Variants in PDE4D observed in about 807,000 individuals in gnomAD.
The protein encoded by PDE4D is 3',5'-cyclic-AMP phosphodiesterase 4D.
PDE4D carries 24 observed loss-of-function variants against 87.4 expected under a neutral mutation model. The observed-to-expected ratio is 0.27, with a 90% CI of 0.20 to 0.39. The LOEUF (loss-of-function observed/expected upper bound fraction) is 0.39. Among genes scored for constraint, PDE4D ranks in the 10% least tolerant of loss-of-function variants. The pLI is 1.00. For missense variants in PDE4D, 714 were observed against 1,041.0 expected (o/e 0.69, Z 4.32); for synonymous variants, 384 against 383.2 (o/e 1.00, Z -0.02).
At chr5:59,908,755 T>TAG (rs1753121236) in intron 3 of PDE4D, among the ~76,000 whole-genome samples, 1 of 152,186 alleles carries the variant, frequency 6.6e-6, no homozygotes, top group Admixed American at 6.5e-5. Context: ...AAGATTTAGA[T>TAG]AATTGAGAAT....
At chr5:59,060,227 C>T (rs1336946967) in intron 5 of PDE4D, among the ~76,000 whole-genome samples, 2 of 152,048 alleles carry the variant, frequency 1.3e-5, no homozygotes, top group East Asian at 3.9e-4. Context: ...CCTCACAGTG[C>T]AATAAGATGG....
chr5:59,587,260 T>C (rs1825295228), intron 1 of PDE4D, among the ~76,000 whole-genome samples: 1 of 152,238 alleles, frequency 6.6e-6, no homozygotes, highest in Non-Finnish European at 1.5e-5. Flanking sequence ...TATTTTGCCT[T>C]GGAAAGAAAA....
chr5:59,236,153 T>C (rs546668978), intron 1 of PDE4D, among the ~76,000 whole-genome samples: 1 of 152,258 alleles, frequency 6.6e-6, no homozygotes, highest in African/African-American at 2.4e-5. Context: ...TTTTGACCCT[T>C]GCCACCCTCT....
At position 60,460,454 on chromosome 5, in the gene PDE4D, C is replaced by T. The variant is rs933476536; in HGVS notation, c.-90+27488G>A. ...TGTGGATGCTTGACAAATGTTGTTA[C>T]CCCAAAATTTGGGATTTTGGCGATC... On this transcript the variant is annotated intron_variant, in intron 1 of 16. Coordinates refer to the PDE4D transcript ENST00000502484. 8.5e-5 allele frequency: 128 copies of T among 1,511,556 alleles called. No homozygotes were observed. In the Middle Eastern group the frequency reaches 1.6e-3, roughly 19 times the overall value. The allele number at this position is 1,511,556 out of a possible 1,614,324, so 93.6% of individuals were successfully genotyped here. A position where few individuals can be genotyped will look rare whatever the true frequency, so the allele number is the denominator to read the frequency against.
chr5:60,344,972 G>T (rs2149907389), intron 1 of PDE4D, among the ~76,000 whole-genome samples: 1 of 152,016 alleles, frequency 6.6e-6, no homozygotes, highest in Admixed American at 6.6e-5. Context: ...AAATCCTAGA[G>T]ATAATATTTA....
At position 59,200,316 on chromosome 5, in the gene PDE4D, C is replaced by A. The variant is rs547875355; in HGVS notation, c.648-6780G>T. The stretch of plus-strand genomic sequence containing the variant: ...ATACATATGTGTATGTACAGCTACA[C>A]GTATACATACACGTGTATGTACAGC... On this transcript the variant is annotated intron_variant, in intron 2 of 14. Transcript: ENST00000340635. Among the ~76,000 whole-genome samples, 50 of 124,108 alleles carry A rather than the reference C, an allele frequency of 4.0e-4. 5 individuals are homozygous for A. The highest frequency in any genetic ancestry group is 1.4e-3 in the African/African-American group (41 of 28,782). 81.4% of individuals were successfully genotyped at this position (124,108 alleles called of 152,430 possible).
intron 2 of PDE4D, among the ~76,000 whole-genome samples, chr5:60,053,755 C>A (rs150026670): frequency 2.6e-5 from 4 of 152,216 alleles, no homozygotes; most frequent in African/African-American, 9.6e-5. Flanking sequence ...AGGCAAACTA[C>A]AGAATAGGGA....
chr5:60,225,720 G>A lies in PDE4D; in HGVS notation c.-89-40033C>T, dbSNP rs372795579. On this transcript the variant is annotated intron_variant, in intron 1 of 16. Transcript: ENST00000502484. ...TAATGGTAACTAAAAGCTACCTTTT[G>A]TTTAATGGGTACCTAACACTCTACT... Among the ~76,000 whole-genome samples, 3 of 152,136 alleles carry A rather than the reference G, an allele frequency of 2.0e-5. No individual in the cohort carries two copies. The East Asian group carries it at 5.8e-4, about 30-fold the overall frequency.
chr5:59,933,771 G>GATAGAT (rs148803790), intron 3 of PDE4D, among the ~76,000 whole-genome samples: 3 of 25,994 alleles, frequency 1.2e-4, no homozygotes, highest in African/African-American at 6.5e-4. Flanking sequence ...TGTAAAAGGA[G>GATAGAT]ATATATATAT....
intron 2 of PDE4D, among the ~76,000 whole-genome samples, chr5:60,096,142 G>A (rs1775658755): frequency 6.6e-6 from 1 of 151,996 alleles, no homozygotes; most frequent in Admixed American, 6.6e-5. Context: ...CATTGCTTTT[G>A]GTGTTTTAGT....
intron 2 of PDE4D, among the ~76,000 whole-genome samples, chr5:59,194,466 A>G (rs1343664909): frequency 6.6e-6 from 1 of 152,182 alleles, no homozygotes; most frequent in Non-Finnish European, 1.5e-5. Flanking sequence ...GTGACCCAAA[A>G]CAACACCCAT....
chr5:60,007,061 C>G (rs1021244941), intron 2 of PDE4D, among the ~76,000 whole-genome samples: 2 of 151,822 alleles, frequency 1.3e-5, no homozygotes, highest in African/African-American at 2.4e-5. Flanking sequence ...AATGCTAGAC[C>G]TTCACAATAA....
intron 5 of PDE4D, among the ~76,000 whole-genome samples, chr5:59,117,310 C>T (rs1773764441): frequency 6.6e-6 from 1 of 152,172 alleles, no homozygotes; most frequent in South Asian, 2.1e-4. Flanking sequence ...CAAAACATTG[C>T]TATGACCATC....
intron 1 of PDE4D, among the ~76,000 whole-genome samples, chr5:60,233,316 T>C (rs1399153974): frequency 6.6e-6 from 1 of 151,798 alleles, no homozygotes; most frequent in African/African-American, 2.4e-5. Context: ...TAGCTGAATA[T>C]CTGTAATACT....
chr5:59,472,575 C>G (rs1236281034), intron 1 of PDE4D, among the ~76,000 whole-genome samples: 1 of 152,104 alleles, frequency 6.6e-6, no homozygotes, highest in Non-Finnish European at 1.5e-5. Context: ...TTTCCATTAC[C>G]TTGACTTTTA....
At chr5:59,059,873 G>A (rs1318479258) in intron 5 of PDE4D, among the ~76,000 whole-genome samples, 1 of 152,120 alleles carries the variant, frequency 6.6e-6, no homozygotes, top group Admixed American at 6.6e-5. Flanking sequence ...TTGTGGCAGA[G>A]ACTGCTAAAT....
chr5:59,547,829 G>A (rs575397851), intron 1 of PDE4D, among the ~76,000 whole-genome samples: 1 of 152,170 alleles, frequency 6.6e-6, no homozygotes, highest in South Asian at 2.1e-4. Context: ...CTCCACAACC[G>A]GGACACACAG....
intron 2 of PDE4D, among the ~76,000 whole-genome samples, chr5:60,144,888 A>T (rs1780864735): frequency 6.6e-6 from 1 of 152,228 alleles, no homozygotes; most frequent in Non-Finnish European, 1.5e-5. Flanking sequence ...ATCACTCTAA[A>T]TCTCATCAAA....
intron 1 of PDE4D, among the ~76,000 whole-genome samples, chr5:60,315,836 A>G (rs2149824622): frequency 6.6e-6 from 1 of 151,742 alleles, no homozygotes; most frequent in East Asian, 1.9e-4. Context: ...GTTCTGTTCC[A>G]TTGGTCTATA....
Sources: gnomAD v4.1 joint callset for allele counts (sites outside exome capture counted in the v4.1 genomes callset) on GRCh38, gnomAD v4.1.1 for gene constraint, MANE v1.5 for transcripts, NCBI Gene and HGNC (gene_info 2026-07-23, HGNC 2026-07-21) for gene names.